Variants in EPAS1 observed in about 807,000 individuals in gnomAD.
EPAS1 encodes the protein endothelial PAS domain-containing protein 1.
EPAS1 carries 23 observed loss-of-function variants against 87.9 expected under a neutral mutation model. The ratio of observed to expected loss-of-function variants is 0.26; its 90% confidence interval spans 0.19 to 0.37. The LOEUF is 0.37. Ranked by LOEUF, EPAS1 falls within the 10% of genes least tolerant of loss-of-function variation. EPAS1 has a pLI of 1.00. For missense variants in EPAS1, 1,138 were observed against 1,120.7 expected (o/e 1.02, Z -0.22); for synonymous variants, 508 against 444.3 (o/e 1.14, Z -1.80).
chr2:46,301,695 A>T (rs2104834657), intron 1 of EPAS1, among the ~76,000 whole-genome samples: 1 of 152,118 alleles, frequency 6.6e-6, no homozygotes, highest in Non-Finnish European at 1.5e-5. Flanking sequence ...AGTGAGGATG[A>T]TTTCCGAAGG....
intron 1 of EPAS1, among the ~76,000 whole-genome samples, chr2:46,336,062 T>A (rs576016938): frequency 6.6e-6 from 1 of 152,160 alleles, no homozygotes; most frequent in Admixed American, 6.5e-5. Context: ...GAGAGCGAAA[T>A]AAAATCTAAG....
At chr2:46,382,846 T>C (rs1189930256) in intron 15 of EPAS1, among the ~76,000 whole-genome samples, 2 of 152,056 alleles carry the variant, frequency 1.3e-5, no homozygotes, top group Non-Finnish European at 2.9e-5. Flanking sequence ...CAGGCTAGAA[T>C]ACTGAAGGAA....
At position 46,381,540 on chromosome 2, in the gene EPAS1, A is replaced by C. The variant is rs141973439; in HGVS notation, c.2046-56A>C. Reference sequence around the variant, plus strand: ...GGAAGGGCCCCTAAGATGAGAAGGCACTGAGTGGCATGTGGCTCCAGACTC... The same window carrying C: ...GGAAGGGCCCCTAAGATGAGAAGGCCCTGAGTGGCATGTGGCTCCAGACTC... On this transcript the variant is annotated intron_variant, in intron 12 of 15. Transcript: ENST00000263734. 23,091 of 1,613,346 alleles carry C rather than the reference A, an allele frequency of 0.014. 199 individuals are homozygous for C. Among genetic ancestry groups the C allele is most frequent in the Non-Finnish European group, 0.017 (19,881 of 1,179,844 alleles).
At chr2:46,351,080 C>T (rs1216165233) in intron 2 of EPAS1, among the ~76,000 whole-genome samples, 1 of 152,210 alleles carries the variant, frequency 6.6e-6, no homozygotes, top group Non-Finnish European at 1.5e-5. Flanking sequence ...GGCTTTCACT[C>T]CTACCTCCAC....
chr2:46,345,944 A>C (rs185241857), intron 1 of EPAS1, among the ~76,000 whole-genome samples: 19 of 152,338 alleles, frequency 1.2e-4, no homozygotes, highest in Admixed American at 3.3e-4. Flanking sequence ...TCTGTAGGGT[A>C]AGCACTATTG....
At chr2:46,363,898 G>C (rs1292005977) in intron 6 of EPAS1, among the ~76,000 whole-genome samples, 1 of 152,206 alleles carries the variant, frequency 6.6e-6, no homozygotes, top group Non-Finnish European at 1.5e-5. Flanking sequence ...CAGAAGTTGT[G>C]TTTAACCGAT....
intron 1 of EPAS1, among the ~76,000 whole-genome samples, chr2:46,339,218 T>G (rs6544885): frequency 0.13 from 19,504 of 152,132 alleles, 2,959 homozygotes; most frequent in African/African-American, 0.37. Context: ...TCCAATGAGA[T>G]CTCAGCTCGT....
Position 46,297,891 on chromosome 2 carries a change from T to C in EPAS1, c.-21T>C. 2 of 1,610,078 alleles carry C rather than the reference T, an allele frequency of 1.2e-6. No individual in the cohort carries two copies. Among genetic ancestry groups the C allele is most frequent in the Non-Finnish European group, 1.7e-6 (2 of 1,178,168 alleles). On this transcript the variant is annotated 5_prime_UTR_variant, in exon 1 of 16. Coordinates refer to ENST00000263734, the MANE Select transcript of EPAS1 (RefSeq NM_001430.5). ...AGCCCAGGTGCTCGGCGTCTGAACG[T>C]CTCAAAGGGCCACAGCGACAATGAC... is the stretch of plus-strand genomic sequence containing the variant.
intron 1 of EPAS1, among the ~76,000 whole-genome samples, chr2:46,334,096 G>T (rs957384953): frequency 1.3e-5 from 2 of 152,156 alleles, no homozygotes; most frequent in African/African-American, 2.4e-5. Flanking sequence ...CCAACAGAGG[G>T]TTTCATTTTC....
At chr2:46,372,979 C>T (rs766428427) in intron 7 of EPAS1, among the ~76,000 whole-genome samples, 12 of 152,164 alleles carry the variant, frequency 7.9e-5, no homozygotes, top group Non-Finnish European at 1.5e-4. Flanking sequence ...TTTAGGACAG[C>T]GGCAACAGCA....
chr2:46,378,764 C>A lies in EPAS1; in HGVS notation c.1551C>A (p.Thr517=). The change falls in exon 11 of 16, where the codon ACC becomes ACA. Residue 517 remains threonine (T), a synonymous_variant. Coordinates refer to ENST00000263734, the MANE Select transcript of EPAS1 (RefSeq NM_001430.5). ...MDTEAKDQCS[T]QTDFNELDLE... ...CAGAGGCCAAGGACCAATGCAGTAC[C>A]CAGGTAGATGGCTGTGGAGATCAGG... The A allele has an allele frequency of 1.2e-6, 2 of 1,613,228 alleles. No homozygotes were observed. The highest frequency in any genetic ancestry group is 1.7e-6 in the Non-Finnish European group (2 of 1,179,166).
At position 46,346,809 on chromosome 2, in the gene EPAS1, C is replaced by T. The variant is rs576402376; in HGVS notation, c.27-64C>T. On this transcript the variant is annotated intron_variant, in intron 1 of 15. Coordinates refer to ENST00000263734, the MANE Select transcript of EPAS1 (RefSeq NM_001430.5). The surrounding 1 kb of genome is among the most constrained non-coding windows in gnomAD (Gnocchi z 4.0). Reference sequence around the variant, plus strand: ...TGGGGGTTGGGGCCATGGGGATGTCCTGGCCAGAGGTATGATAGGCTGACA... The same window carrying T: ...TGGGGGTTGGGGCCATGGGGATGTCTTGGCCAGAGGTATGATAGGCTGACA... 164 of 1,575,812 alleles carry T rather than the reference C, an allele frequency of 1.0e-4. 3 individuals carry two copies. The South Asian group carries it at 1.7e-3, about 17-fold the overall frequency.
At chr2:46,344,234 C>T (rs571116145) in intron 1 of EPAS1, among the ~76,000 whole-genome samples, 1 of 152,330 alleles carries the variant, frequency 6.6e-6, no homozygotes, top group African/African-American at 2.4e-5. Flanking sequence ...ATTGTCAGAG[C>T]ATTGACTCCA....
chr2:46,313,879 C>T (rs1435488924), intron 1 of EPAS1, among the ~76,000 whole-genome samples: 5 of 152,228 alleles, frequency 3.3e-5, no homozygotes, highest in African/African-American at 9.6e-5. Context: ...GCAGTGCCTA[C>T]ACACAGGAGG....
chr2:46,312,888 G>T (rs1395735481), intron 1 of EPAS1, among the ~76,000 whole-genome samples: 1 of 148,030 alleles, frequency 6.8e-6, no homozygotes, highest in Non-Finnish European at 1.5e-5. Context: ...GAGGTGGTTT[G>T]TGCAAGATGT....
Position 46,360,703 on chromosome 2 carries a change from T to G in EPAS1, c.520T>G (p.Cys174Gly). ...TERDFFMRMK[C>G]TVTNRGRTVN... is the part of the protein sequence containing the mutation. Reference sequence around the variant, plus strand: ...GCGGGACTTCTTCATGAGGATGAAGTGCACGGTCACCAACAGAGGCCGTAC... The same window carrying G: ...GCGGGACTTCTTCATGAGGATGAAGGGCACGGTCACCAACAGAGGCCGTAC... Residue 174 changes from cysteine (C) to glycine (G), a missense_variant, in exon 5 of 16, where the codon TGC becomes GGC. By Grantham distance (159) the Cys-to-Gly change is radical. Coordinates refer to ENST00000263734, the MANE Select transcript of EPAS1 (RefSeq NM_001430.5). This position sits in a 1 kb window ranked among gnomAD's most constrained non-coding sequence, Gnocchi z 4.5. The G allele has an allele frequency of 1.2e-6, 2 of 1,613,952 alleles. No homozygotes were observed. Among genetic ancestry groups the G allele is most frequent in the Non-Finnish European group, 1.7e-6 (2 of 1,180,014 alleles).
rs775997195 is a variant in EPAS1 at position 46,297,923 on chromosome 2, C to G, written c.12C>G (p.Asp4Glu). 2 of 1,612,694 alleles carry G rather than the reference C, an allele frequency of 1.2e-6. No individual in the cohort carries two copies. The highest frequency in any genetic ancestry group is 1.7e-5 in the Admixed American group (1 of 59,932). Reference sequence around the variant, plus strand: ...GGGCCACAGCGACAATGACAGCTGACAAGGAGAAGAAAAGGTAAGCGGGCG... The same window carrying G: ...GGGCCACAGCGACAATGACAGCTGAGAAGGAGAAGAAAAGGTAAGCGGGCG... MTA[D>E]KEKKRSSSER... Residue 4 changes from aspartate (D) to glutamate (E), a missense_variant, in exon 1 of 16, where the codon GAC becomes GAG. Asp to Glu is a conservative substitution (Grantham distance 45). Coordinates refer to ENST00000263734, the MANE Select transcript of EPAS1 (RefSeq NM_001430.5).
At chr2:46,303,006 G>C (rs1216174860) in intron 1 of EPAS1, among the ~76,000 whole-genome samples, 1 of 152,188 alleles carries the variant, frequency 6.6e-6, no homozygotes, top group Non-Finnish European at 1.5e-5. Flanking sequence ...CCGGGAGGCG[G>C]AGGTTGCAGT....
rs1481743805 is a variant in EPAS1 at position 46,300,580 on chromosome 2, T to TG, written c.26+2646dup. ...ACAGATGTCAGAAACTGAAGCCTGG[T>TG]GGGTGGGGGTACTGCACTTTCACTC... On this transcript the variant is annotated intron_variant, in intron 1 of 15. Transcript: ENST00000263734. The surrounding 1 kb of genome is among the most constrained non-coding windows in gnomAD (Gnocchi z 4.1). Among the ~76,000 whole-genome samples, 1 of 152,148 alleles carries TG rather than the reference T, an allele frequency of 6.6e-6. No individual in the cohort carries two copies. The highest frequency in any genetic ancestry group is 1.5e-5 in the Non-Finnish European group (1 of 68,028).
Sources: allele counts gnomAD v4.1 joint callset (sites outside exome capture counted in the v4.1 genomes callset), GRCh38; gene constraint gnomAD v4.1.1; non-coding constraint Gnocchi (gnomAD v3.1); transcripts MANE v1.5; gene names NCBI Gene and HGNC (gene_info 2026-07-23, HGNC 2026-07-21).